Variants in COPA observed in about 807,000 individuals in gnomAD.
COPA encodes coatomer subunit alpha.
COPA carries 10 observed loss-of-function variants against 158.7 expected under a neutral mutation model. The observed-to-expected ratio is 0.06, with a 90% CI of 0.04 to 0.11. COPA has a LOEUF of 0.11. Among genes scored for constraint, COPA ranks in the 10% least tolerant of loss-of-function variants. The probability of loss-of-function intolerance (pLI) is 1.00; values close to 1 mark genes in which losing one functional copy is unlikely to be tolerated. For synonymous variants in COPA, 462 were observed against 542.8 expected (o/e 0.85, Z 2.07); for missense variants, 1,065 against 1,536.7 (o/e 0.69, Z 5.13).
At position 160,289,118 on chromosome 1, in the gene COPA, C is replaced by T. The variant is rs1658133561; in HGVS notation, c.*1039G>A. On this transcript the variant is annotated 3_prime_UTR_variant, in exon 33 of 33. Transcript: ENST00000241704. Reference sequence around the variant, plus strand: ...CAGAGTAGCTGGGATTACAGGCACCCACCACCATGCCCGGCTAGCTTTTTT... The same window carrying T: ...CAGAGTAGCTGGGATTACAGGCACCTACCACCATGCCCGGCTAGCTTTTTT... Among the ~76,000 whole-genome samples the T allele has an allele frequency of 6.6e-6, 1 of 151,706 alleles. No individual in the cohort carries two copies.
rs572059474 is a variant in COPA, at chr1:160,307,725, G to C, written c.1220-480C>G. On this transcript the variant is annotated intron_variant, in intron 13 of 32. Transcript: ENST00000241704. ...ATCTTGACAGGAGAGCTTGGTGCTG[G>C]GCGGTATTTAGAACCAAGTTGTTGC... 2.6e-5 allele frequency among the ~76,000 whole-genome samples: 4 copies of C among 152,322 alleles called. No individual in the cohort carries two copies. In the East Asian group the frequency reaches 5.8e-4, roughly 22 times the overall value.
At chr1:160,313,263 A>T in intron 9 of COPA, 96 bp from the exon 10 acceptor site, 1 of 1,092,252 alleles carries the variant, frequency 9.2e-7, no homozygotes, top group Non-Finnish European at 1.4e-6. Flanking sequence ...CAAGCTGATT[A>T]AAATGTAAAT....
chr1:160,304,476 C>T (rs1448385110), intron 17 of COPA, among the ~76,000 whole-genome samples: 2 of 151,596 alleles, frequency 1.3e-5, no homozygotes, highest in Admixed American at 6.6e-5. Flanking sequence ...CCAGCCTGGC[C>T]AACATGGTGA....
chr1:160,291,573 C>A, intron 30 of COPA, 77 bp from the exon 31 acceptor site: 1 of 1,512,314 alleles, frequency 6.6e-7, no homozygotes, highest in South Asian at 1.2e-5. Context: ...GCTACACATG[C>A]ATAAAAAACA....
chr1:160,340,069 A>G (rs1372319731), intron 2 of COPA, 87 bp from the exon 3 acceptor site: 4 of 1,531,674 alleles, frequency 2.6e-6, no homozygotes, highest in African/African-American at 1.4e-5. Context: ...TTTCAGTTCT[A>G]TCATTTCCAC....
chr1:160,293,579 C>T, intron 25 of COPA, 116 bp from the exon 26 acceptor site: 2 of 764,192 alleles, frequency 2.6e-6, no homozygotes, highest in East Asian at 2.9e-5. Flanking sequence ...ACTGCAACCT[C>T]TGCCTCCCAT....
intron 3 of COPA, 191 bp downstream of exon 3, chr1:160,339,718 C>T: frequency 2.0e-6 from 1 of 504,930 alleles, no homozygotes; most frequent in Admixed American, 3.5e-5. Context: ...TTTGAATTCC[C>T]TAAAAAGAAA....
At chr1:160,305,317 C>G in intron 17 of COPA, 116 bp downstream of exon 17, 1 of 1,017,606 alleles carries the variant, frequency 9.8e-7, no homozygotes, top group Non-Finnish European at 1.5e-6. Flanking sequence ...ACATATATGC[C>G]AGGTAAGGCT....
chr1:160,302,447 G>A (rs1323773565), intron 17 of COPA, among the ~76,000 whole-genome samples: 1 of 151,550 alleles, frequency 6.6e-6, no homozygotes, highest in Non-Finnish European at 1.5e-5. Context: ...ACTGAACACT[G>A]TAAGGACTGT....
chr1:160,332,498 A>G lies in COPA; in HGVS notation c.446T>C (p.Leu149Ser). Residue 149 changes from leucine to serine, a missense_variant, in exon 6 of 33, where the codon TTG becomes TCG. This residue lies in a region of COPA where 980 missense variants were observed against 1,357.8 expected (regional missense o/e 0.72). Coordinates refer to ENST00000241704, the MANE Select transcript of COPA (RefSeq NM_004371.4). Reference protein sequence around the residue: ...MCAQFHPTEDLVVSASLDQTV... With the variant: ...MCAQFHPTEDSVVSASLDQTV... Reference sequence around the variant, plus strand: ...CTGGTCCAGGCTGGCTGATACTACCAAGTCTTCTGTGGGGTGGAACTGAGC... The same window carrying G: ...CTGGTCCAGGCTGGCTGATACTACCGAGTCTTCTGTGGGGTGGAACTGAGC... 1 of 1,613,896 alleles carries G rather than the reference A, an allele frequency of 6.2e-7. No homozygotes were observed. The highest frequency in any genetic ancestry group is 8.5e-7 in the Non-Finnish European group (1 of 1,179,974).
chr1:160,343,094 A>G (rs753021667), intron 1 of COPA, 37 bp downstream of exon 1: 2 of 1,613,794 alleles, frequency 1.2e-6, no homozygotes, highest in Admixed American at 3.3e-5. Context: ...CGCTCCTGAC[A>G]TCCAACCTCC....
chr1:160,317,746 T>C, intron 8 of COPA: 1 of 1,258,758 alleles, frequency 7.9e-7, no homozygotes, highest in Middle Eastern at 2.7e-4. Flanking sequence ...CAATCCTTTC[T>C]CATTTTTAAA....
intron 5 of COPA, among the ~76,000 whole-genome samples, chr1:160,333,077 C>G (rs1395166752): frequency 2.0e-5 from 3 of 152,236 alleles, no homozygotes; most frequent in African/African-American, 7.2e-5. Flanking sequence ...GCACACGCCA[C>G]CGCGTCCAGC....
At position 160,289,314 on chromosome 1, in the gene COPA, G is replaced by A. The variant is rs995347826; in HGVS notation, c.*843C>T. 6.6e-6 allele frequency: 1 copy of A among 152,128 alleles called. No homozygotes were observed. The highest frequency in any genetic ancestry group is 2.4e-5 in the African/African-American group (1 of 41,436). The allele number at this position is 152,128 out of a possible 1,614,324, so 9.4% of individuals were successfully genotyped here. ...GAGATTTATTTAGTGTGAGAAATAT[G>A]AGAACAATAGTTGTAAAGAACAAAT... is the stretch of plus-strand genomic sequence containing the variant. On this transcript the variant is annotated 3_prime_UTR_variant, in exon 33 of 33. Coordinates refer to ENST00000241704, the MANE Select transcript of COPA (RefSeq NM_004371.4).
At chr1:160,321,922 A>T (rs1659340797) in intron 8 of COPA, among the ~76,000 whole-genome samples, 1 of 152,218 alleles carries the variant, frequency 6.6e-6, no homozygotes, top group South Asian at 2.1e-4. Flanking sequence ...GGGCCATACA[A>T]GGAAAACTAT....
intron 14 of COPA, 59 bp downstream of exon 14, chr1:160,307,104 T>C: frequency 6.6e-7 from 1 of 1,525,190 alleles, no homozygotes; most frequent in Non-Finnish European, 9.1e-7. Flanking sequence ...TATTTTGCAA[T>C]ACACAGGCCA....
In COPA at chr1:160,290,697, G is replaced by C. The variant is rs540654667; in HGVS notation, c.3421-11C>G. 3.7e-5 allele frequency: 60 copies of C among 1,613,604 alleles called. No homozygotes were observed. The Admixed American group carries it at 4.2e-4, about 11-fold the overall frequency. On this transcript the variant is annotated splice_polypyrimidine_tract_variant and intron_variant, in intron 31 of 32. Transcript: ENST00000241704. ...CAGGATTTTTCGGGTCTAGGGGAAG[G>C]AAGGAGTATTTAGGAGGACAGAAGG... is the stretch of plus-strand genomic sequence containing the variant.
intron 6 of COPA, among the ~76,000 whole-genome samples, chr1:160,331,863 T>C (rs181144461): frequency 3.8e-4 from 58 of 151,942 alleles, no homozygotes; most frequent in African/African-American, 1.3e-3. Context: ...GAGAATTGCT[T>C]GAACCCGGGA....
intron 8 of COPA, among the ~76,000 whole-genome samples, chr1:160,318,554 T>C (rs1193702952): frequency 8.0e-6 from 1 of 125,518 alleles, no homozygotes; most frequent in Non-Finnish European, 1.7e-5. Context: ...AAACCCAAGA[T>C]GTAAAATTAA....
Sources: gnomAD v4.1 joint callset for allele counts (sites outside exome capture counted in the v4.1 genomes callset) on GRCh38, gnomAD v4.1.1 for gene constraint, gnomAD v4.1.1 regional missense constraint, MANE v1.5 for transcripts, NCBI Gene and HGNC (gene_info 2026-07-23, HGNC 2026-07-21) for gene names.